Variants in MFSD6 observed in about 807,000 individuals in gnomAD.
The protein encoded by MFSD6 is major facilitator superfamily domain-containing protein 6.
A neutral mutation model predicts 56.3 loss-of-function variants in MFSD6; 26 were observed. The observed-to-expected ratio is 0.46, with a 90% CI of 0.34 to 0.64. The LOEUF (loss-of-function observed/expected upper bound fraction) is 0.64. Among genes scored for constraint, MFSD6 ranks in the 30% least tolerant of loss-of-function variants. The probability of loss-of-function intolerance (pLI) is 0.01; values close to 1 mark genes in which losing one functional copy is unlikely to be tolerated. For missense variants in MFSD6, 750 were observed against 986.2 expected (o/e 0.76, Z 3.21); for synonymous variants, 331 against 366.9 (o/e 0.90, Z 1.12).
intron 3 of MFSD6, among the ~76,000 whole-genome samples, chr2:190,464,146 G>A (rs149256273): frequency 4.1e-4 from 63 of 152,276 alleles, no homozygotes; most frequent in African/African-American, 1.4e-3. Flanking sequence ...ATTGGTGTGC[G>A]TGCATCTTTG....
rs181827763 is a variant in MFSD6, at chr2:190,413,722, T to A, written c.-175-1570T>A. On this transcript the variant is annotated intron_variant, in intron 1 of 7. Transcript: ENST00000392328. The surrounding 1 kb of genome is among the most constrained non-coding windows in gnomAD (Gnocchi z 4.1). ...CTGGACTGGTAGTTAGCAGTCTGTG[T>A]TGGTTATGTAGAGAGACCTTGTTCC... 2.0e-5 allele frequency among the ~76,000 whole-genome samples: 3 copies of A among 152,212 alleles called. No homozygotes were observed. Among genetic ancestry groups the A allele is most frequent in the Admixed American group, 2.0e-4 (3 of 15,288 alleles).
Position 190,463,380 on chromosome 2 carries a change from G to A in MFSD6, c.1533-6378G>A, listed in dbSNP as rs1687428952. Among the ~76,000 whole-genome samples, 1 of 152,166 alleles carries A rather than the reference G, an allele frequency of 6.6e-6. No individual in the cohort carries two copies. The highest frequency in any genetic ancestry group is 2.1e-4 in the South Asian group (1 of 4,832). ...AGAAATAAGCTTCATTCCTGGGGAG[G>A]AGGGCACATCAAGTGCTTGTGCTGA... On this transcript the variant is annotated intron_variant, in intron 3 of 7. Coordinates refer to ENST00000392328, the MANE Select transcript of MFSD6 (RefSeq NM_017694.4). This position sits in a 1 kb window ranked among gnomAD's most constrained non-coding sequence, Gnocchi z 4.4.
At chr2:190,449,130 G>T (rs192924555) in intron 3 of MFSD6, among the ~76,000 whole-genome samples, 75 of 152,238 alleles carry the variant, frequency 4.9e-4, no homozygotes, top group Non-Finnish European at 9.6e-4. Context: ...ATGGCTTCAG[G>T]TCTTATTTTC....
Position 190,490,264 on chromosome 2 carries a change from A to T in MFSD6, c.1891+398A>T, listed in dbSNP as rs1350605495. Among the ~76,000 whole-genome samples the T allele has an allele frequency of 5.0e-5, 4 of 80,296 alleles. No homozygotes were observed. The highest frequency in any genetic ancestry group is 7.2e-5 in the African/African-American group (2 of 27,610). The allele number at this position is 80,296 out of a possible 152,430, so 52.7% of individuals were successfully genotyped here. A position where few individuals can be genotyped will look rare whatever the true frequency, so the allele number is the denominator to read the frequency against. On this transcript the variant is annotated intron_variant, in intron 6 of 7. Transcript: ENST00000392328. This position sits in a 1 kb window ranked among gnomAD's most constrained non-coding sequence, Gnocchi z 4.5. The stretch of plus-strand genomic sequence containing the variant: ...TCTCTATGACTTACCTTCATTTGTT[A>T]AAAAAAAAAAAAACAATGGCCGGGT...
rs1329405751 is a variant in MFSD6 at position 190,494,963 on chromosome 2, C to T, written c.1892-2476C>T. Among the ~76,000 whole-genome samples the T allele has an allele frequency of 6.6e-6, 1 of 152,174 alleles. No individual in the cohort carries two copies. The highest frequency in any genetic ancestry group is 1.5e-5 in the Non-Finnish European group (1 of 68,026). ...ACAAGACAAGGATGCCCACTCTCAC[C>T]ACTTCTATTCAACATAGTACTGGAA... is the stretch of plus-strand genomic sequence containing the variant. On this transcript the variant is annotated intron_variant, in intron 6 of 7. Coordinates refer to ENST00000392328, the MANE Select transcript of MFSD6 (RefSeq NM_017694.4). The surrounding 1 kb of genome is among the most constrained non-coding windows in gnomAD (Gnocchi z 5.7).
chr2:190,429,069 T>A (rs1685875692), intron 2 of MFSD6, among the ~76,000 whole-genome samples: 2 of 152,156 alleles, frequency 1.3e-5, no homozygotes, highest in Admixed American at 6.6e-5. Context: ...GATCATCTTT[T>A]TACATATTTA....
At chr2:190,484,725 C>T (rs983457932) in intron 4 of MFSD6, among the ~76,000 whole-genome samples, 10 of 152,066 alleles carry the variant, frequency 6.6e-5, no homozygotes, top group African/African-American at 2.4e-4. Context: ...TAATTTAATC[C>T]CTTCTTACGG....
Position 190,425,157 on chromosome 2 carries a change from T to C in MFSD6, c.-54+9744T>C, listed in dbSNP as rs1460997849. ...GGTGTCCATGTGTTCATTGCTAGTA[T>C]ACAGAAATACAATTAATTATTGTAT... On this transcript the variant is annotated intron_variant, in intron 2 of 7. Transcript: ENST00000392328. The surrounding 1 kb of genome is among the most constrained non-coding windows in gnomAD (Gnocchi z 4.3). Among the ~76,000 whole-genome samples, 1 of 152,238 alleles carries C rather than the reference T, an allele frequency of 6.6e-6. No individual in the cohort carries two copies. Among genetic ancestry groups the C allele is most frequent in the Non-Finnish European group, 1.5e-5 (1 of 68,038 alleles).
Position 190,481,356 on chromosome 2 carries a change from C to T in MFSD6, c.1631-7301C>T, listed in dbSNP as rs75123263. 3.3e-4 allele frequency among the ~76,000 whole-genome samples: 50 copies of T among 152,240 alleles called. 1 individual carries two copies. In the East Asian group the frequency reaches 9.5e-3, roughly 29 times the overall value. ...TAGAAGAGATCTACTATTTTATTTC[C>T]TCTGTCCACTTTTACTTATATATGG... is the stretch of plus-strand genomic sequence containing the variant. On this transcript the variant is annotated intron_variant, in intron 4 of 7. Coordinates refer to ENST00000392328, the MANE Select transcript of MFSD6 (RefSeq NM_017694.4).
In MFSD6 at chr2:190,436,888, A is replaced by G. The variant is rs1216289888; in HGVS notation, c.859A>G (p.Ile287Val). Residue 287 changes from isoleucine to valine, a missense_variant, in exon 3 of 8, where the codon ATA becomes GTA. By Grantham distance (29) the Ile-to-Val change is conservative. Around this residue, in one of 5 missense-constraint regions of MFSD6, gnomAD observed 376 missense variants for 437.9 expected, o/e 0.86. Coordinates refer to ENST00000392328, the MANE Select transcript of MFSD6 (RefSeq NM_017694.4). The surrounding 1 kb of genome is among the most constrained non-coding windows in gnomAD (Gnocchi z 5.3). ...TTATGATCAACAAGAAGTTGAAGCTATATTCTTGGTGATCTTGGTAGTTGT... is the reference window on the plus strand; with the variant it reads ...TTATGATCAACAAGAAGTTGAAGCTGTATTCTTGGTGATCTTGGTAGTTGT... ...LVYDQQEVEA[I>V]FLVILVVVII... The G allele has an allele frequency of 1.9e-6, 3 of 1,614,082 alleles. No individual in the cohort carries two copies. The highest frequency in any genetic ancestry group is 2.5e-6 in the Non-Finnish European group (3 of 1,180,044).
rs745489913 is a variant in MFSD6, at chr2:190,500,131, G to T, written c.2289G>T (p.Thr763=). ...QPSPDAAASQ[T]QTSPAHPSVD... ...CCCCTGACGCAGCAGCATCTCAGAC[G>T]CAGACCAGCCCCGCTCACCCCAGTG... The change falls in exon 8 of 8, where the codon ACG becomes ACT. Residue 763 remains threonine (T), a synonymous_variant. Coordinates refer to ENST00000392328, the MANE Select transcript of MFSD6 (RefSeq NM_017694.4). This position sits in a 1 kb window ranked among gnomAD's most constrained non-coding sequence, Gnocchi z 5.3. The T allele has an allele frequency of 1.2e-6, 2 of 1,614,094 alleles. No individual in the cohort carries two copies. The highest frequency in any genetic ancestry group is 2.2e-5 in the South Asian group (2 of 91,074).
rs910838447 is a variant in MFSD6, at chr2:190,415,410, A to G, written c.-57A>G. On this transcript the variant is annotated 5_prime_UTR_variant, in exon 2 of 8. Transcript: ENST00000392328. The surrounding 1 kb of genome is among the most constrained non-coding windows in gnomAD (Gnocchi z 4.5). ...CTTGGCCTCCTGAATAGCTAGAACT[A>G]CAGGTATGAACCACCATGCCTGACT... The G allele has an allele frequency of 3.3e-5, 5 of 152,014 alleles. No individual in the cohort carries two copies. Among genetic ancestry groups the G allele is most frequent in the Admixed American group, 3.3e-4 (5 of 15,256 alleles). The allele number at this position is 152,014 out of a possible 1,614,324, so 9.4% of individuals were successfully genotyped here.
In MFSD6 at chr2:190,492,036, G is replaced by GA. The variant is rs1689391580; in HGVS notation, c.1891+2172dup. 6.6e-6 allele frequency among the ~76,000 whole-genome samples: 1 copy of GA among 152,160 alleles called. No individual in the cohort carries two copies. The highest frequency in any genetic ancestry group is 2.1e-4 in the South Asian group (1 of 4,834). On this transcript the variant is annotated intron_variant, in intron 6 of 7. Coordinates refer to ENST00000392328, the MANE Select transcript of MFSD6 (RefSeq NM_017694.4). This position sits in a 1 kb window ranked among gnomAD's most constrained non-coding sequence, Gnocchi z 5.2. The stretch of plus-strand genomic sequence containing the variant: ...AATGTTCTGGAAAGTCTCAGCAACA[G>GA]AATCGAAGAAGCAGAAGAAAGAACT...
intron 3 of MFSD6, among the ~76,000 whole-genome samples, chr2:190,448,556 A>G (rs1371812676): frequency 6.6e-6 from 1 of 152,236 alleles, no homozygotes; most frequent in Non-Finnish European, 1.5e-5. Flanking sequence ...GGAAAAAAGC[A>G]GGTTTCAAAA....
intron 4 of MFSD6, among the ~76,000 whole-genome samples, chr2:190,480,592 A>G (rs965669543): frequency 1.3e-5 from 2 of 152,218 alleles, no homozygotes; most frequent in Non-Finnish European, 2.9e-5. Context: ...ACCTCACTCT[A>G]TAAGTTAGCT....
In MFSD6 at chr2:190,463,412, G is replaced by A. The variant is rs189928964; in HGVS notation, c.1533-6346G>A. Reference sequence around the variant, plus strand: ...CATCAAGTGCTTGTGCTGAGCACAGGAGTCTCCACTCTAATCAGCAGCTGA... The same window carrying A: ...CATCAAGTGCTTGTGCTGAGCACAGAAGTCTCCACTCTAATCAGCAGCTGA... On this transcript the variant is annotated intron_variant, in intron 3 of 7. Coordinates refer to ENST00000392328, the MANE Select transcript of MFSD6 (RefSeq NM_017694.4). This position sits in a 1 kb window ranked among gnomAD's most constrained non-coding sequence, Gnocchi z 4.4. 6.6e-5 allele frequency among the ~76,000 whole-genome samples: 10 copies of A among 152,260 alleles called. No individual in the cohort carries two copies. The highest frequency in any genetic ancestry group is 1.4e-4 in the African/African-American group (6 of 41,542).
rs1305478947 is a variant in MFSD6, at chr2:190,425,153, A to G, written c.-54+9740A>G. 1.3e-5 allele frequency among the ~76,000 whole-genome samples: 2 copies of G among 152,208 alleles called. No individual in the cohort carries two copies. Among genetic ancestry groups the G allele is most frequent in the Non-Finnish European group, 2.9e-5 (2 of 68,040 alleles). Reference sequence around the variant, plus strand: ...TTTTGGTGTCCATGTGTTCATTGCTAGTATACAGAAATACAATTAATTATT... The same window carrying G: ...TTTTGGTGTCCATGTGTTCATTGCTGGTATACAGAAATACAATTAATTATT... On this transcript the variant is annotated intron_variant, in intron 2 of 7. Transcript: ENST00000392328. The surrounding 1 kb of genome is among the most constrained non-coding windows in gnomAD (Gnocchi z 4.3).
rs199864822 is a variant in MFSD6, at chr2:190,413,252, C to G, written c.-175-2040C>G. ...TGAGAGTTCTGTATTACCTTGTGACCTGGTGGTCCTGCTGCATTTTAGGAT... is the reference window on the plus strand; with the variant it reads ...TGAGAGTTCTGTATTACCTTGTGACGTGGTGGTCCTGCTGCATTTTAGGAT... On this transcript the variant is annotated intron_variant, in intron 1 of 7. Coordinates refer to ENST00000392328, the MANE Select transcript of MFSD6 (RefSeq NM_017694.4). This position sits in a 1 kb window ranked among gnomAD's most constrained non-coding sequence, Gnocchi z 4.1. Among the ~76,000 whole-genome samples the G allele has an allele frequency of 1.3e-5, 2 of 151,896 alleles. No individual in the cohort carries two copies. Among genetic ancestry groups the G allele is most frequent in the East Asian group, 3.9e-4 (2 of 5,186 alleles).
intron 3 of MFSD6, among the ~76,000 whole-genome samples, chr2:190,450,765 T>A (rs544032405): frequency 8.3e-4 from 126 of 152,188 alleles, no homozygotes; most frequent in Non-Finnish European, 1.4e-3. Context: ...AGTGCTGGGT[T>A]TATAGGCAAT....
Sources: gnomAD v4.1 joint callset for allele counts (sites outside exome capture counted in the v4.1 genomes callset) on GRCh38, gnomAD v4.1.1 for gene constraint, gnomAD v4.1.1 regional missense constraint, Gnocchi (gnomAD v3.1) non-coding constraint, MANE v1.5 for transcripts, NCBI Gene and HGNC (gene_info 2026-07-23, HGNC 2026-07-21) for gene names.